ABCG1: variants seen among roughly 807,000 people sequenced by gnomAD.
ABCG1 encodes the protein ATP binding cassette subfamily G member 1.
A neutral mutation model predicts 69.2 loss-of-function variants in ABCG1; 29 were observed. The ratio of observed to expected loss-of-function variants is 0.42; its 90% confidence interval spans 0.31 to 0.57. ABCG1 has a LOEUF of 0.57. ABCG1 is among the 20% of genes least tolerant of loss of function. ABCG1 has a pLI of 0.15. For missense variants in ABCG1, 718 were observed against 898.1 expected (o/e 0.80, Z 2.56); for synonymous variants, 370 against 374.8 (o/e 0.99, Z 0.15).
intron 1 of ABCG1, chr21:42,221,364 T>C (rs2067723728): frequency 6.6e-6 from 1 of 152,256 alleles, no homozygotes; most frequent in African/African-American, 2.4e-5. Context: ...TACCAGGATC[T>C]TAAGCTTTGC....
intron 2 of ABCG1, among the ~76,000 whole-genome samples, chr21:42,244,455 G>A (rs1420164903): frequency 6.6e-6 from 1 of 152,192 alleles, no homozygotes; most frequent in Non-Finnish European, 1.5e-5. Flanking sequence ...CACAGCCATT[G>A]CCTTGCCAAT....
chr21:42,294,903 A>G (rs2276235), intron 14 of ABCG1: 1 of 494,688 alleles, frequency 2.0e-6, no homozygotes, highest in Non-Finnish European at 3.7e-6. Flanking sequence ...CCATGGCAGG[A>G]CCAAGTGTTC....
intron 2 of ABCG1, among the ~76,000 whole-genome samples, chr21:42,257,211 C>T (rs1319911495): frequency 6.6e-6 from 1 of 152,180 alleles, no homozygotes; most frequent in African/African-American, 2.4e-5. Flanking sequence ...TTTCAGGGCC[C>T]ACTGGAATCT....
intron 2 of ABCG1, among the ~76,000 whole-genome samples, chr21:42,243,445 C>CGTGTGTGT (rs1332190376): frequency 4.5e-4 from 36 of 79,722 alleles, no homozygotes; most frequent in Admixed American, 9.2e-4. Flanking sequence ...CGTGTGTGTG[C>CGTGTGTGT]GCGTGTGTGT....
chr21:42,270,281 A>AAAAAAAT (rs2068593100), intron 2 of ABCG1, among the ~76,000 whole-genome samples: 8 of 146,642 alleles, frequency 5.5e-5, no homozygotes, highest in African/African-American at 2.0e-4. Flanking sequence ...AAAAAAAAAA[A>AAAAAAAT]GTGCCCCTGG....
intron 6 of ABCG1, 88 bp from the exon 7 acceptor site, chr21:42,284,472 G>T: frequency 1.3e-6 from 2 of 1,514,458 alleles, no homozygotes; most frequent in East Asian, 2.4e-5. Context: ...AAGCCCTCTG[G>T]GACAGGAACT....
At chr21:42,279,475 G>C (rs376753449) in intron 5 of ABCG1, among the ~76,000 whole-genome samples, 1 of 152,220 alleles carries the variant, frequency 6.6e-6, no homozygotes, top group Non-Finnish European at 1.5e-5. Context: ...GGAACCCACC[G>C]GATGGCCTTG....
chr21:42,206,363 T>C (rs776668696), intron 2 of ABCG1, among the ~76,000 whole-genome samples: 13 of 141,858 alleles, frequency 9.2e-5, no homozygotes, highest in Non-Finnish European at 1.8e-4. Flanking sequence ...AATAAATAAA[T>C]AAATAAATAA....
chr21:42,243,076 C>T (rs1005612630), intron 2 of ABCG1, among the ~76,000 whole-genome samples: 1 of 152,212 alleles, frequency 6.6e-6, no homozygotes, highest in Non-Finnish European at 1.5e-5. Context: ...CCCACACTTG[C>T]ACCACAGGCA....
chr21:42,264,312 C>T (rs1193790812), intron 2 of ABCG1, among the ~76,000 whole-genome samples: 1 of 152,234 alleles, frequency 6.6e-6, no homozygotes, highest in East Asian at 1.9e-4. Flanking sequence ...TTAGTATTCA[C>T]TTAATTTTAA....
At chr21:42,205,145 G>A (rs2067533625) in intron 2 of ABCG1, among the ~76,000 whole-genome samples, 1 of 152,024 alleles carries the variant, frequency 6.6e-6, no homozygotes, top group African/African-American at 2.4e-5. Context: ...CATTTCATCT[G>A]AGTTGTCAAA....
Position 42,268,386 on chromosome 21 carries a change from T to C in ABCG1, c.287-2684T>C, listed in dbSNP as rs866928602. Among the ~76,000 whole-genome samples, 1,163 of 142,830 alleles carry C rather than the reference T, an allele frequency of 8.1e-3. 18 individuals are homozygous for C. Among genetic ancestry groups the C allele is most frequent in the African/African-American group, 0.03 (1,095 of 35,910 alleles). The allele number at this position is 142,830 out of a possible 152,430, so 93.7% of individuals were successfully genotyped here. On this transcript the variant is annotated intron_variant, in intron 2 of 14. Coordinates refer to ENST00000398449, the MANE Select transcript of ABCG1 (RefSeq NM_016818.3). ...GGGTGTGTGTGTGTGTGTGTGTGTG[T>C]GTGCGCGCGCGCGCTGGATACTCAG...
upstream of ABCG1, among the ~76,000 whole-genome samples, chr21:42,215,456 G>C (rs2123480810): frequency 6.6e-6 from 1 of 152,346 alleles, no homozygotes; most frequent in East Asian, 1.9e-4. Flanking sequence ...CACAGACCTA[G>C]ACTTCCATTG....
At chr21:42,245,923 C>T (rs1441104505) in intron 2 of ABCG1, among the ~76,000 whole-genome samples, 1 of 128,952 alleles carries the variant, frequency 7.8e-6, no homozygotes, top group Non-Finnish European at 1.7e-5. Flanking sequence ...GCTGACTCAG[C>T]AGCACAAGAC....
At chr21:42,201,450 A>G in intron 1 of ABCG1, 7 of 549,362 alleles carry the variant, frequency 1.3e-5, no homozygotes, top group African/African-American at 3.8e-5. Context: ...GTGTGGCCCC[A>G]TTCCTAACGG....
chr21:42,235,777 A>C (rs2123571649), intron 2 of ABCG1, among the ~76,000 whole-genome samples: 1 of 152,258 alleles, frequency 6.6e-6, no homozygotes, highest in South Asian at 2.1e-4. Flanking sequence ...TATCAGACTT[A>C]AGGTCTGTGT....
intron 2 of ABCG1, among the ~76,000 whole-genome samples, chr21:42,203,964 G>A (rs2123462376): frequency 6.6e-6 from 1 of 152,202 alleles, no homozygotes; most frequent in Non-Finnish European, 1.5e-5. Flanking sequence ...TCCTGTACCT[G>A]TTTTGTTACA....
At position 42,285,896 on chromosome 21, in the gene ABCG1, A is replaced by G; in HGVS notation, c.875A>G (p.Gln292Arg). Residue 292 changes from glutamine (Q) to arginine (R), a missense_variant, in exon 8 of 15, where the codon CAA becomes CGA. By Grantham distance (43) the Gln-to-Arg change is conservative. This residue lies in a region of ABCG1 where 514 missense variants were observed against 574.3 expected (regional missense o/e 0.90). Transcript: ENST00000398449. ...ELFDQLYVLS[Q>R]GQCVYRGKVC... Reference sequence around the variant, plus strand: ...TTTTTCCAGCTTTACGTCCTGAGTCAAGGACAATGTGTGTACCGGGGAAAA... The same window carrying G: ...TTTTTCCAGCTTTACGTCCTGAGTCGAGGACAATGTGTGTACCGGGGAAAA... The G allele has an allele frequency of 6.2e-7, 1 of 1,613,682 alleles. No homozygotes were observed. Among genetic ancestry groups the G allele is most frequent in the East Asian group, 2.2e-5 (1 of 44,882 alleles).
intron 5 of ABCG1, among the ~76,000 whole-genome samples, chr21:42,280,948 G>A (rs1391642427): frequency 6.6e-6 from 1 of 152,238 alleles, no homozygotes; most frequent in East Asian, 1.9e-4. Context: ...CTGTTTCTGG[G>A]TTGGCGGCCC....
Sources: gnomAD v4.1 joint callset for allele counts (sites outside exome capture counted in the v4.1 genomes callset) on GRCh38, gnomAD v4.1.1 for gene constraint, gnomAD v4.1.1 regional missense constraint, MANE v1.5 for transcripts, NCBI Gene and HGNC (gene_info 2026-07-23, HGNC 2026-07-21) for gene names.